IMMP1L: variants seen among roughly 807,000 people sequenced by gnomAD.
IMMP1L encodes inner mitochondrial membrane peptidase subunit 1.
Under a neutral mutation model 21.8 loss-of-function variants are expected in IMMP1L, and 24 were observed. The observed-to-expected ratio is 1.10, with a 90% CI of 0.80 to 1.55. The LOEUF (loss-of-function observed/expected upper bound fraction) is 1.55, where lower values mean the gene tolerates loss of function less well. IMMP1L is among the 40% of genes most tolerant of loss of function. IMMP1L has a pLI of 0.00. For missense variants in IMMP1L, 195 were observed against 200.7 expected (o/e 0.97, Z 0.17); for synonymous variants, 46 against 62.8 (o/e 0.73, Z 1.26).
intron 1 of IMMP1L, among the ~76,000 whole-genome samples, chr11:31,476,222 A>T (rs1954724443): frequency 6.6e-6 from 1 of 152,116 alleles, no homozygotes; most frequent in African/African-American, 2.4e-5. Context: ...AACAGCAAAC[A>T]TACAAATAGA....
intron 4 of IMMP1L, among the ~76,000 whole-genome samples, chr11:31,435,830 T>C (rs1953099929): frequency 6.6e-6 from 1 of 152,230 alleles, no homozygotes; most frequent in Non-Finnish European, 1.5e-5. Context: ...CTTCTGAATT[T>C]TGAGTCTTTC....
At chr11:31,498,223 T>C (rs1592044261) in intron 1 of IMMP1L, among the ~76,000 whole-genome samples, 1 of 152,214 alleles carries the variant, frequency 6.6e-6, no homozygotes, top group Non-Finnish European at 1.5e-5. Context: ...TGACCTTTAA[T>C]GTTATTCTTT....
chr11:31,482,693 GA>G (rs550629596), intron 1 of IMMP1L, among the ~76,000 whole-genome samples: 141 of 151,952 alleles, frequency 9.3e-4, no homozygotes, highest in Middle Eastern at 6.8e-3. Context: ...AAGATGGGGG[GA>G]AAAAAACGAG....
chr11:31,470,453 G>C (rs1193645243), intron 1 of IMMP1L, among the ~76,000 whole-genome samples: 3 of 150,796 alleles, frequency 2.0e-5, no homozygotes, highest in Non-Finnish European at 4.4e-5. Context: ...AAAGAATCAG[G>C]CAAATCCAAG....
chr11:31,434,278 CAAG>C (rs892062748), intron 4 of IMMP1L, among the ~76,000 whole-genome samples: 1 of 152,026 alleles, frequency 6.6e-6, no homozygotes, highest in Non-Finnish European at 1.5e-5. Flanking sequence ...TGGTAAATAA[CAAG>C]ATTTTTACTC....
chr11:31,470,204 G>A (rs1390012572), intron 1 of IMMP1L, among the ~76,000 whole-genome samples: 2 of 151,976 alleles, frequency 1.3e-5, no homozygotes, highest in Non-Finnish European at 2.9e-5. Context: ...ACCTGATGTC[G>A]GGAGTTCGAG....
chr11:31,461,443 G>T (rs1443665942), intron 2 of IMMP1L, among the ~76,000 whole-genome samples: 2 of 152,088 alleles, frequency 1.3e-5, no homozygotes, highest in African/African-American at 4.8e-5. Flanking sequence ...TTTCCTATTT[G>T]TATGTCTCAA....
intron 1 of IMMP1L, among the ~76,000 whole-genome samples, chr11:31,481,866 T>A (rs1412626392): frequency 6.6e-6 from 1 of 152,086 alleles, no homozygotes; most frequent in African/African-American, 2.4e-5. Flanking sequence ...GCTTTAAAGA[T>A]GATGCCCAAT....
chr11:31,507,107 A>T (rs1201493512), intron 1 of IMMP1L, among the ~76,000 whole-genome samples: 1 of 151,696 alleles, frequency 6.6e-6, no homozygotes, highest in Non-Finnish European at 1.5e-5. Flanking sequence ...GTGAAACCCC[A>T]TCTCTACTAA....
Position 31,479,314 on chromosome 11 carries a change from A to T in IMMP1L, c.-29-16009T>A, listed in dbSNP as rs1954817199. Among the ~76,000 whole-genome samples, 4 of 152,164 alleles carry T rather than the reference A, an allele frequency of 2.6e-5. 1 individual carries two copies. The South Asian group carries it at 8.3e-4, about 31-fold the overall frequency. On this transcript the variant is annotated intron_variant, in intron 1 of 5. Coordinates refer to ENST00000532287, the MANE Select transcript of IMMP1L (RefSeq NM_001304274.2). ...ACAATCTCTTTAAACATATCTGTAC[A>T]ATGTCTGATAAGTACTCAAAAGTCA...
At chr11:31,492,151 C>T (rs1024654492) in intron 1 of IMMP1L, among the ~76,000 whole-genome samples, 1 of 152,192 alleles carries the variant, frequency 6.6e-6, no homozygotes, top group African/African-American at 2.4e-5. Flanking sequence ...CAACAGAAGG[C>T]TGTTTAATCT....
intron 1 of IMMP1L, among the ~76,000 whole-genome samples, chr11:31,502,696 CTA>C (rs1408478201): frequency 6.6e-6 from 1 of 152,176 alleles, no homozygotes; most frequent in Non-Finnish European, 1.5e-5. Flanking sequence ...AGCTTTATGT[CTA>C]TGAGACTCTG....
In IMMP1L at chr11:31,456,391, G is replaced by A; in HGVS notation, c.195-5C>T. 6.2e-7 allele frequency: 1 copy of A among 1,607,326 alleles called. No individual in the cohort carries two copies. Among genetic ancestry groups the A allele is most frequent in the Non-Finnish European group, 8.5e-7 (1 of 1,175,562 alleles). On this transcript the variant is annotated splice_region_variant and splice_polypyrimidine_tract_variant and intron_variant, in intron 3 of 5. Coordinates refer to ENST00000532287, the MANE Select transcript of IMMP1L (RefSeq NM_001304274.2). ...TTTGCAATCACAATGTCACCTCTGA[G>A]GGGGAAAAGTCAAAGAAATGTCTGT...
chr11:31,480,574 C>T (rs1173043973), intron 1 of IMMP1L, among the ~76,000 whole-genome samples: 1 of 151,788 alleles, frequency 6.6e-6, no homozygotes, highest in South Asian at 2.1e-4. Flanking sequence ...ATAATCATTC[C>T]TTTATAATAT....
chr11:31,496,214 A>T lies in IMMP1L; in HGVS notation c.-30+13305T>A, dbSNP rs559252735. On this transcript the variant is annotated intron_variant, in intron 1 of 5. Coordinates refer to ENST00000532287, the MANE Select transcript of IMMP1L (RefSeq NM_001304274.2). ...AGGTATACAAATGGCCAATAAGCAC[A>T]TGAAAAGATGTTAAACATCCCTAGT... 2.5e-3 allele frequency among the ~76,000 whole-genome samples: 386 copies of T among 152,292 alleles called. 2 individuals carry two copies. Among genetic ancestry groups the T allele is most frequent in the South Asian group, 5.0e-3 (24 of 4,826 alleles).
At chr11:31,438,093 TG>T (rs1460838447) in intron 4 of IMMP1L, among the ~76,000 whole-genome samples, 1 of 152,188 alleles carries the variant, frequency 6.6e-6, no homozygotes, top group East Asian at 1.9e-4. Flanking sequence ...GTGGAATTTC[TG>T]GGTCATCAGT....
intron 1 of IMMP1L, among the ~76,000 whole-genome samples, chr11:31,485,246 GTAT>G (rs984625689): frequency 1.3e-5 from 2 of 151,732 alleles, no homozygotes; most frequent in African/African-American, 2.4e-5. Context: ...ATCATCTAAT[GTAT>G]TATTTTTATT....
At chr11:31,509,192 C>G (rs1438566536) in intron 1 of IMMP1L, among the ~76,000 whole-genome samples, 1 of 152,186 alleles carries the variant, frequency 6.6e-6, no homozygotes, top group Non-Finnish European at 1.5e-5. Context: ...AGTTTTCGCT[C>G]TAAGGTTTAA....
At chr11:31,475,825 G>A (rs1223087) in intron 1 of IMMP1L, among the ~76,000 whole-genome samples, 13,444 of 152,044 alleles carry the variant, frequency 0.088, 1,637 homozygotes, top group African/African-American at 0.27. Context: ...TATTTGAGAC[G>A]TTCTAAAGAA....
Sources: gnomAD v4.1 joint callset for allele counts (sites outside exome capture counted in the v4.1 genomes callset) on GRCh38, gnomAD v4.1.1 for gene constraint, MANE v1.5 for transcripts, NCBI Gene and HGNC (gene_info 2026-07-23, HGNC 2026-07-21) for gene names.